HERC1: variants seen among roughly 807,000 people sequenced by gnomAD.
The protein encoded by HERC1 is HECT and RLD domain containing E3 ubiquitin protein ligase family member 1.
HERC1 carries 160 observed loss-of-function variants against 554.3 expected under a neutral mutation model. The observed-to-expected ratio is 0.29, with a 90% CI of 0.25 to 0.33. HERC1 has a LOEUF of 0.33. Among genes scored for constraint, HERC1 ranks in the 10% least tolerant of loss-of-function variants. HERC1 has a pLI of 1.00. For missense variants in HERC1, 4,919 were observed against 5,918.5 expected (o/e 0.83, Z 5.54); for synonymous variants, 2,175 against 2,131.7 (o/e 1.02, Z -0.56).
rs1330405695 is a variant in HERC1 at position 63,727,206 on chromosome 15, G to A, written c.3346+441C>T. On this transcript the variant is annotated intron_variant, in intron 17 of 77. Coordinates refer to ENST00000443617, the MANE Select transcript of HERC1 (RefSeq NM_003922.4). The surrounding 1 kb of genome is among the most constrained non-coding windows in gnomAD (Gnocchi z 4.3). ...CAGGAGAATCACTTGAACCCGGGAG[G>A]CAGAGGTTGCAATGAGGCAAGATTG... is the stretch of plus-strand genomic sequence containing the variant. Among the ~76,000 whole-genome samples, 8 of 152,266 alleles carry A rather than the reference G, an allele frequency of 5.3e-5. No individual in the cohort carries two copies. Among genetic ancestry groups the A allele is most frequent in the South Asian group, 2.1e-4 (1 of 4,828 alleles).
chr15:63,675,927 G>A (rs2071178746), intron 37 of HERC1, among the ~76,000 whole-genome samples: 2 of 137,958 alleles, frequency 1.4e-5, no homozygotes, highest in African/African-American at 5.3e-5. Flanking sequence ...TTTTGGAGAC[G>A]GAGTCTTGTT....
At chr15:63,685,388 A>G (rs1294072194) in intron 34 of HERC1, among the ~76,000 whole-genome samples, 1 of 152,218 alleles carries the variant, frequency 6.6e-6, no homozygotes, top group African/African-American at 2.4e-5. Context: ...TGCCCTAATA[A>G]TTATAAATTC....
At chr15:63,697,309 T>C (rs1220844210) in intron 26 of HERC1, among the ~76,000 whole-genome samples, 1 of 152,152 alleles carries the variant, frequency 6.6e-6, no homozygotes, top group Non-Finnish European at 1.5e-5. Flanking sequence ...TTCATATATT[T>C]TGTAGATGTC....
At chr15:63,814,424 T>C (rs2077426819) in intron 1 of HERC1, among the ~76,000 whole-genome samples, 1 of 151,216 alleles carries the variant, frequency 6.6e-6, no homozygotes, top group South Asian at 2.1e-4. Flanking sequence ...TGATTTAGTA[T>C]AGACAACATT....
In HERC1 at chr15:63,727,688, G is replaced by A; in HGVS notation, c.3305C>T (p.Ala1102Val). ...TAACTCCTGGTCTTCTAAAAGATCA[G>A]CAGCTGGCAGGAGTCTATTAAGGCA... ...LDCLNRLLPA[A>V]DLLEDQELQW... Residue 1102 changes from alanine to valine, a missense_variant, in exon 17 of 78, where the codon GCT becomes GTT. Physicochemically the swap from Ala to Val is moderately conservative, Grantham distance 64. This residue lies in a region of HERC1 where 1,121 missense variants were observed against 1,244.0 expected (regional missense o/e 0.90). Coordinates refer to ENST00000443617, the MANE Select transcript of HERC1 (RefSeq NM_003922.4). The surrounding 1 kb of genome is among the most constrained non-coding windows in gnomAD (Gnocchi z 4.3). The A allele has an allele frequency of 6.2e-7, 1 of 1,613,484 alleles. No individual in the cohort carries two copies. Among genetic ancestry groups the A allele is most frequent in the Non-Finnish European group, 8.5e-7 (1 of 1,179,692 alleles).
At chr15:63,610,432 C>T (rs776785781) in intron 77 of HERC1, among the ~76,000 whole-genome samples, 12 of 152,194 alleles carry the variant, frequency 7.9e-5, no homozygotes, top group Non-Finnish European at 1.6e-4. Context: ...ACCCTGAGAC[C>T]GGAGATTAGT....
chr15:63,612,544 G>A lies in HERC1; in HGVS notation c.14107C>T (p.Arg4703Ter). 1 of 1,613,058 alleles carries A rather than the reference G, an allele frequency of 6.2e-7. No individual in the cohort carries two copies. The highest frequency in any genetic ancestry group is 8.5e-7 in the Non-Finnish European group (1 of 1,179,214). The stretch of plus-strand genomic sequence containing the variant: ...GGAACAATCCAGGACATCCCTTCTC[G>A]GACTGCAGCCACCTGCTCCCGGGAG... ...HEMDRQVAAV[R>*]EGMSWIVPVP... Residue 4703 changes from arginine (R) to a stop codon, truncating the protein, a stop_gained, in exon 77 of 78, where the codon CGA becomes TGA. Transcript: ENST00000443617. LOFTEE classifies it high-confidence loss of function. This position sits in a 1 kb window ranked among gnomAD's most constrained non-coding sequence, Gnocchi z 5.0.
intron 1 of HERC1, among the ~76,000 whole-genome samples, chr15:63,783,595 T>A (rs537853007): frequency 6.6e-6 from 1 of 152,308 alleles, no homozygotes; most frequent in African/African-American, 2.4e-5. Flanking sequence ...TACTGTACTT[T>A]TCGCTTTATT....
intron 72 of HERC1, 39 bp downstream of exon 72, chr15:63,624,119 A>G (rs781603597): frequency 1.3e-5 from 20 of 1,538,960 alleles, no homozygotes; most frequent in Admixed American, 1.9e-5. Context: ...ATCTGAAAAA[A>G]TCACAGCTCA....
chr15:63,821,928 G>C (rs570067672), intron 1 of HERC1, among the ~76,000 whole-genome samples: 8 of 152,154 alleles, frequency 5.3e-5, no homozygotes, highest in Admixed American at 4.6e-4. Flanking sequence ...AGGTAGGCAA[G>C]TAATTCTATT....
intron 21 of HERC1, among the ~76,000 whole-genome samples, chr15:63,716,841 C>A (rs1427180059): frequency 6.6e-6 from 1 of 152,076 alleles, no homozygotes; most frequent in Non-Finnish European, 1.5e-5. Flanking sequence ...TATTCTATTC[C>A]ATTTTCTTCA....
At chr15:63,634,043 T>C in intron 66 of HERC1, 73 bp from the exon 67 acceptor site, 2 of 1,566,252 alleles carry the variant, frequency 1.3e-6, no homozygotes, top group Non-Finnish European at 1.7e-6. Context: ...TGGGACCCTT[T>C]TTCTCTACTT....
At chr15:63,624,100 A>G in intron 72 of HERC1, 58 bp downstream of exon 72, 4 of 1,467,672 alleles carry the variant, frequency 2.7e-6, no homozygotes, top group Non-Finnish European at 3.7e-6. Flanking sequence ...GAAATTAGTA[A>G]TAACATCCAT....
At chr15:63,625,811 A>C in intron 71 of HERC1, 174 bp downstream of exon 71, 1 of 728,198 alleles carries the variant, frequency 1.4e-6, no homozygotes, top group East Asian at 2.7e-5. Context: ...CATCATGTCC[A>C]ACCTCTAGAC....
chr15:63,685,336 T>C lies in HERC1; in HGVS notation c.6225+1023A>G, dbSNP rs149281975. 2.5e-3 allele frequency among the ~76,000 whole-genome samples: 382 copies of C among 152,374 alleles called. 2 individuals carry two copies. Among genetic ancestry groups the C allele is most frequent in the African/African-American group, 8.8e-3 (366 of 41,586 alleles). On this transcript the variant is annotated intron_variant, in intron 34 of 77. Transcript: ENST00000443617. ...CCCATGGGGGCAGGTCACATTGGTA[T>C]CATGTTAACCTGTGCTGCCTATTAT...
At chr15:63,737,487 TATATATACATATATATATCTTTTTTCCAG>T (rs2074578467) in intron 12 of HERC1, among the ~76,000 whole-genome samples, 6 of 87,440 alleles carry the variant, frequency 6.9e-5, no homozygotes, top group South Asian at 3.8e-4. Flanking sequence ...TCCAGATATA[TATATATACATATATATATCTTTTTTCCAG>T]ATATATATAT....
At chr15:63,662,919 G>C (rs2152935335) in intron 44 of HERC1, 65 bp downstream of exon 44, 1 of 1,235,076 alleles carries the variant, frequency 8.1e-7, no homozygotes, top group South Asian at 1.2e-5. Context: ...GCTGCTGTTA[G>C]TAAGCTATAT....
Position 63,727,597 on chromosome 15 carries a change from G to T in HERC1, c.3346+50C>A. 1 of 1,386,272 alleles carries T rather than the reference G, an allele frequency of 7.2e-7. No individual in the cohort carries two copies. Among genetic ancestry groups the T allele is most frequent in the South Asian group, 1.3e-5 (1 of 78,664 alleles). The allele number at this position is 1,386,272 out of a possible 1,614,324, so 85.9% of individuals were successfully genotyped here. On this transcript the variant is annotated intron_variant, in intron 17 of 77. Coordinates refer to ENST00000443617, the MANE Select transcript of HERC1 (RefSeq NM_003922.4). This position sits in a 1 kb window ranked among gnomAD's most constrained non-coding sequence, Gnocchi z 4.3. Reference sequence around the variant, plus strand: ...AAAAACACAGTGATGTGTGCAAGAGGAACAACTTTTCTCAAAGGCATTATT... The same window carrying T: ...AAAAACACAGTGATGTGTGCAAGAGTAACAACTTTTCTCAAAGGCATTATT...
intron 61 of HERC1, among the ~76,000 whole-genome samples, chr15:63,639,180 T>G (rs2068920894): frequency 6.6e-6 from 1 of 152,238 alleles, no homozygotes; most frequent in Non-Finnish European, 1.5e-5. Flanking sequence ...AAGGACATTT[T>G]CTGATTAAAA....
Sources: gnomAD v4.1 joint callset for allele counts (sites outside exome capture counted in the v4.1 genomes callset) on GRCh38, gnomAD v4.1.1 for gene constraint, gnomAD v4.1.1 regional missense constraint, Gnocchi (gnomAD v3.1) non-coding constraint, MANE v1.5 for transcripts, NCBI Gene and HGNC (gene_info 2026-07-23, HGNC 2026-07-21) for gene names.